Variants in SPATA13 observed in about 807,000 individuals in gnomAD.
The protein encoded by SPATA13 is spermatogenesis-associated protein 13.
A neutral mutation model predicts 104.0 loss-of-function variants in SPATA13; 50 were observed. The ratio of observed to expected loss-of-function variants is 0.48; its 90% CI spans 0.38 to 0.61. The LOEUF (loss-of-function observed/expected upper bound fraction) is 0.61. Ranked by LOEUF, SPATA13 falls within the 20% of genes least tolerant of loss-of-function variation. SPATA13 has a pLI of 0.00. For missense variants in SPATA13, 1,524 were observed against 1,690.6 expected (o/e 0.90, Z 1.73); for synonymous variants, 606 against 667.5 (o/e 0.91, Z 1.42).
chr13:24,066,713 T>C (rs1878978508), intron 3 of SPATA13, among the ~76,000 whole-genome samples: 1 of 151,854 alleles, frequency 6.6e-6, no homozygotes, highest in Non-Finnish European at 1.5e-5. Context: ...CCCTCCTCAC[T>C]CTTTCAAACA....
At chr13:24,289,771 A>G (rs990209029) in intron 8 of SPATA13, among the ~76,000 whole-genome samples, 6 of 152,168 alleles carry the variant, frequency 3.9e-5, no homozygotes, top group African/African-American at 1.2e-4. Context: ...ATGATTGACT[A>G]TTACTACTTA....
intron 1 of SPATA13, among the ~76,000 whole-genome samples, chr13:24,219,395 A>C (rs144000401): frequency 2.0e-5 from 3 of 152,250 alleles, no homozygotes; most frequent in African/African-American, 4.8e-5. Context: ...AATTTTTTGC[A>C]TGTGTTTTAT....
rs1487933736 is a variant in SPATA13 at position 24,083,395 on chromosome 13, C to T, written c.-112+65694C>T. The stretch of plus-strand genomic sequence containing the variant: ...TAAGGAAACTGGGCTCTGCAAGTCA[C>T]AAACAAGTCAGCAGAGTCAAGGAGG... On this transcript the variant is annotated intron_variant, in intron 3 of 14. Transcript: ENST00000424834. Among the ~76,000 whole-genome samples, 4 of 152,332 alleles carry T rather than the reference C, an allele frequency of 2.6e-5. No homozygotes were observed. The East Asian group carries it at 7.7e-4, about 29-fold the overall frequency.
At chr13:24,294,955 G>A in intron 10 of SPATA13, 87 bp downstream of exon 10, 1 of 1,377,080 alleles carries the variant, frequency 7.3e-7, no homozygotes, top group Admixed American at 2.0e-5. Flanking sequence ...ATATCCTGTG[G>A]TCAATATCTT....
intron 3 of SPATA13, among the ~76,000 whole-genome samples, chr13:24,120,770 A>G (rs1353854436): frequency 6.6e-6 from 1 of 152,240 alleles, no homozygotes; most frequent in Non-Finnish European, 1.5e-5. Flanking sequence ...CATGTTTAGA[A>G]GCTGGTGAGG....
intron 3 of SPATA13, among the ~76,000 whole-genome samples, chr13:24,032,724 C>T (rs1877528228): frequency 6.6e-6 from 1 of 152,028 alleles, no homozygotes; most frequent in African/African-American, 2.4e-5. Context: ...TTAAGTTTGC[C>T]CTAAAATGTG....
At chr13:24,071,669 A>G (rs1158626994) in intron 3 of SPATA13, among the ~76,000 whole-genome samples, 1 of 152,178 alleles carries the variant, frequency 6.6e-6, no homozygotes, top group African/African-American at 2.4e-5. Flanking sequence ...GCATTGAATC[A>G]CATCAGATTT....
rs144398985 is a variant in SPATA13, at chr13:24,151,199, G to GCT, written c.-111-71619_-111-71618dup. On this transcript the variant is annotated intron_variant, in intron 3 of 14. Transcript: ENST00000424834. ...CAGATGCTTCCTCCCGCAGTGCTGA[G>GCT]CTATCTGTGCTGTGATTGTGGGCAT... Among the ~76,000 whole-genome samples, 1,186 of 152,288 alleles carry GCT rather than the reference G, an allele frequency of 7.8e-3. 12 individuals are homozygous for GCT. The highest frequency in any genetic ancestry group is 0.027 in the African/African-American group (1,123 of 41,554).
intron 1 of SPATA13, among the ~76,000 whole-genome samples, chr13:24,208,141 C>T (rs1870813026): frequency 6.6e-6 from 1 of 152,144 alleles, no homozygotes; most frequent in African/African-American, 2.4e-5. Context: ...TGTCAGCAGG[C>T]TGGAGGAAGG....
chr13:24,084,845 G>C (rs1056169116), intron 3 of SPATA13, among the ~76,000 whole-genome samples: 2 of 152,134 alleles, frequency 1.3e-5, no homozygotes, highest in African/African-American at 2.4e-5. Flanking sequence ...AACATAGCAA[G>C]ACCCGGTCTC....
chr13:24,106,892 A>G (rs1880471362), intron 3 of SPATA13, among the ~76,000 whole-genome samples: 2 of 152,168 alleles, frequency 1.3e-5, no homozygotes. Flanking sequence ...AGTTTCAGCA[A>G]ATATGGGGTC....
At chr13:24,078,807 G>T (rs1879413660) in intron 3 of SPATA13, among the ~76,000 whole-genome samples, 1 of 152,166 alleles carries the variant, frequency 6.6e-6, no homozygotes, top group Non-Finnish European at 1.5e-5. Flanking sequence ...GCCCTGGCTT[G>T]CTCATTCATT....
intron 3 of SPATA13, among the ~76,000 whole-genome samples, chr13:24,063,587 C>G (rs1878849534): frequency 6.6e-6 from 1 of 152,080 alleles, no homozygotes; most frequent in Admixed American, 6.5e-5. Context: ...TCCTCCATGT[C>G]CTTGCTGAAC....
chr13:24,034,356 A>C (rs1160242174), intron 3 of SPATA13: 1 of 152,198 alleles, frequency 6.6e-6, no homozygotes, highest in Non-Finnish European at 1.5e-5. Context: ...CTGGATCAAA[A>C]ATGAGGTAGG....
intron 3 of SPATA13, among the ~76,000 whole-genome samples, chr13:24,092,581 C>A (rs1432878431): frequency 6.6e-6 from 1 of 152,098 alleles, no homozygotes; most frequent in Non-Finnish European, 1.5e-5. Context: ...TACTCAAAGG[C>A]AATCAGAAAG....
At chr13:24,149,792 C>T (rs1404530874) in intron 3 of SPATA13, among the ~76,000 whole-genome samples, 1 of 152,212 alleles carries the variant, frequency 6.6e-6, no homozygotes, top group African/African-American at 2.4e-5. Flanking sequence ...CAGGTTGTCA[C>T]AGGCCTTGCA....
intron 1 of SPATA13, among the ~76,000 whole-genome samples, chr13:24,219,913 C>G (rs907156392): frequency 1.3e-5 from 2 of 152,162 alleles, no homozygotes; most frequent in African/African-American, 4.8e-5. Context: ...TTGCAAGGAA[C>G]TTTGCTGGTT....
At chr13:24,181,103 TGACTTGTCTATGTAG>T (rs1463326984) in intron 1 of SPATA13, among the ~76,000 whole-genome samples, 1 of 152,174 alleles carries the variant, frequency 6.6e-6, no homozygotes, top group African/African-American at 2.4e-5. Context: ...TTTTTTTAAA[TGACTTGTCTATGTAG>T]GGCACTTATG....
At chr13:24,278,878 TTCCTTCCTTCC>T in intron 4 of SPATA13, 1 of 547,038 alleles carries the variant, frequency 1.8e-6, no homozygotes, top group Non-Finnish European at 2.6e-6. Context: ...TTTTCTTTCC[TTCCTTCCTTCC>T]TTCCTTCCTT....
Sources: allele counts gnomAD v4.1 joint callset (sites outside exome capture counted in the v4.1 genomes callset), GRCh38; gene constraint gnomAD v4.1.1; transcripts MANE v1.5; gene names NCBI Gene and HGNC (gene_info 2026-07-23, HGNC 2026-07-21).